BTBD3: variants seen among roughly 807,000 people sequenced by gnomAD.
BTBD3 encodes BTB domain containing 3.
A neutral mutation model predicts 41.6 loss-of-function variants in BTBD3; 14 were observed. The ratio of observed to expected loss-of-function variants is 0.34; its 90% CI spans 0.22 to 0.53. The LOEUF (loss-of-function observed/expected upper bound fraction) is 0.53. Ranked by LOEUF, BTBD3 falls within the 20% of genes least tolerant of loss-of-function variation. The pLI, the probability that BTBD3 is intolerant of heterozygous loss-of-function variation, is 0.95. For synonymous variants in BTBD3, 249 were observed against 233.7 expected (o/e 1.07, Z -0.60); for missense variants, 426 against 654.7 (o/e 0.65, Z 3.81).
chr20:11,894,141 C>T (rs2056772480), intron 1 of BTBD3, among the ~76,000 whole-genome samples: 1 of 152,196 alleles, frequency 6.6e-6, no homozygotes, highest in Non-Finnish European at 1.5e-5. Context: ...GGTGCCTGCA[C>T]CATAGAGTTT....
intron 3 of BTBD3, among the ~76,000 whole-genome samples, chr20:11,921,157 G>T (rs1244636637): frequency 6.6e-6 from 1 of 152,168 alleles, no homozygotes; most frequent in Non-Finnish European, 1.5e-5. Flanking sequence ...CACTAGTTCA[G>T]CATTTTGTCT....
In BTBD3 at chr20:11,919,713, C is replaced by T. The variant is rs772744537; in HGVS notation, c.418-5C>T. 3.3e-5 allele frequency: 53 copies of T among 1,612,030 alleles called. No individual in the cohort carries two copies. The highest frequency in any genetic ancestry group is 8.3e-5 in the Admixed American group (5 of 59,988). On this transcript the variant is annotated splice_polypyrimidine_tract_variant and splice_region_variant and intron_variant, in intron 2 of 3. Coordinates refer to ENST00000378226, the MANE Select transcript of BTBD3 (RefSeq NM_014962.4). The stretch of plus-strand genomic sequence containing the variant: ...GTATGAAATAAGATTTCCCTTTCTA[C>T]ACAGTATGTTTTAGCTGTTGGGAGC...
intron 1 of BTBD3, among the ~76,000 whole-genome samples, chr20:11,908,326 T>G (rs1837219156): frequency 6.9e-6 from 1 of 145,686 alleles, no homozygotes; most frequent in Admixed American, 6.9e-5. Flanking sequence ...CTGTGGTTTT[T>G]TTTTTTTTTT....
intron 1 of BTBD3, among the ~76,000 whole-genome samples, chr20:11,894,607 AAAG>A (rs1359140375): frequency 1.3e-5 from 2 of 151,898 alleles, no homozygotes; most frequent in African/African-American, 4.8e-5. Context: ...CGTTTTATCT[AAAG>A]AAGATTGAGT....
rs777556357 is a variant in BTBD3 at position 11,923,218 on chromosome 20, G to T, written c.1121G>T (p.Arg374Leu). ...SKARKGLVPQ[R>L]CHRFQSCAYR... Reference sequence around the variant, plus strand: ...GCCCGTAAGGGCCTTGTCCCCCAGCGCTGTCACCGTTTCCAGTCGTGTGCC... The same window carrying T: ...GCCCGTAAGGGCCTTGTCCCCCAGCTCTGTCACCGTTTCCAGTCGTGTGCC... Residue 374 changes from arginine (R) to leucine (L), a missense_variant, in exon 4 of 4, where the codon CGC becomes CTC. Arg to Leu is a moderately radical substitution (Grantham distance 102). Transcript: ENST00000378226. The surrounding 1 kb of genome is among the most constrained non-coding windows in gnomAD (Gnocchi z 5.3). 39 of 1,614,102 alleles carry T rather than the reference G, an allele frequency of 2.4e-5. 1 individual carries two copies. In the South Asian group the frequency reaches 4.0e-4, roughly 16 times the overall value.
At chr20:11,892,022 G>A (rs1465753822) in intron 1 of BTBD3, among the ~76,000 whole-genome samples, 3 of 152,118 alleles carry the variant, frequency 2.0e-5, no homozygotes, top group Non-Finnish European at 4.4e-5. Flanking sequence ...GGAAACACTG[G>A]TTTAATATAA....
At position 11,917,995 on chromosome 20, in the gene BTBD3, C is replaced by T; in HGVS notation, c.-281C>T. On this transcript the variant is annotated 5_prime_UTR_variant, in exon 1 of 4. Coordinates refer to ENST00000378226, the MANE Select transcript of BTBD3 (RefSeq NM_014962.4). ...TACAGCTCTGTGCCTGTCATCTTTG[C>T]AGTGTAGCATTTTCAGGTGATCTAG... is the stretch of plus-strand genomic sequence containing the variant. 1 of 1,150,002 alleles carries T rather than the reference C, an allele frequency of 8.7e-7. No homozygotes were observed. The highest frequency in any genetic ancestry group is 1.1e-6 in the Non-Finnish European group (1 of 935,572). 71.2% of individuals were successfully genotyped at this position (1,150,002 alleles called of 1,614,324 possible). A position where few individuals can be genotyped will look rare whatever the true frequency, so the allele number is the denominator to read the frequency against.
At chr20:11,897,794 G>A (rs1232489) in intron 1 of BTBD3, among the ~76,000 whole-genome samples, 111,524 of 152,062 alleles carry the variant, frequency 0.73, 41,298 homozygotes, top group Non-Finnish European at 0.78. Context: ...AAGTCAAATT[G>A]TGCTTAAAAC....
At position 11,918,154 on chromosome 20, in the gene BTBD3, G is replaced by A; in HGVS notation, c.-122G>A. On this transcript the variant is annotated 5_prime_UTR_variant, in exon 1 of 4. Coordinates refer to ENST00000378226, the MANE Select transcript of BTBD3 (RefSeq NM_014962.4). ...TGAAAAGGTCACCTTGCCTGGCTGA[G>A]AAAAGCAGCAAAATATCAGCTTTGT... is the stretch of plus-strand genomic sequence containing the variant. The A allele has an allele frequency of 6.7e-7, 1 of 1,483,544 alleles. No individual in the cohort carries two copies. The highest frequency in any genetic ancestry group is 8.9e-7 in the Non-Finnish European group (1 of 1,128,826). 91.9% of individuals were successfully genotyped at this position (1,483,544 alleles called of 1,614,324 possible).
At chr20:11,905,077 G>A (rs1163774214) in intron 1 of BTBD3, among the ~76,000 whole-genome samples, 1 of 152,176 alleles carries the variant, frequency 6.6e-6, no homozygotes, top group Non-Finnish European at 1.5e-5. Context: ...AGTCTTTTGA[G>A]TATTGGGAAG....
chr20:11,912,843 T>C lies in BTBD3; in HGVS notation c.-125-5491T>C, dbSNP rs181465663. ...GTCACTTGTTGTTAGCTCTTGCTTT[T>C]TTAGCTATGCTATGCTTCCAGCGCT... On this transcript the variant is annotated intron_variant, in intron 1 of 4. Transcript: ENST00000254977. 1.1e-4 allele frequency among the ~76,000 whole-genome samples: 17 copies of C among 152,372 alleles called. No homozygotes were observed. The East Asian group carries it at 3.3e-3, about 29-fold the overall frequency.
Position 11,908,212 on chromosome 20 carries a change from A to G in BTBD3, c.-125-10122A>G, listed in dbSNP as rs6040982. On this transcript the variant is annotated intron_variant, in intron 1 of 4. Coordinates refer to the BTBD3 transcript ENST00000254977. ...CCTGACTCAGATGTAAATTGTGATCACCATTTTCAGAGATTGTCCTTCCTT... is the reference window on the plus strand; with the variant it reads ...CCTGACTCAGATGTAAATTGTGATCGCCATTTTCAGAGATTGTCCTTCCTT... Among the ~76,000 whole-genome samples the G allele has an allele frequency of 4.6e-5, 7 of 151,678 alleles. No individual in the cohort carries two copies. In the East Asian group the frequency reaches 5.8e-4, roughly 13 times the overall value.
chr20:11,923,862 T>TA lies in BTBD3; in HGVS notation c.*200dup. 1.7e-6 allele frequency: 1 copy of TA among 573,544 alleles called. No individual in the cohort carries two copies. The highest frequency in any genetic ancestry group is 3.0e-6 in the Non-Finnish European group (1 of 331,498). 35.5% of individuals were successfully genotyped at this position (573,544 alleles called of 1,614,324 possible). ...AGCATTCCGCTTTTAACTATCTGCT[T>TA]AAAAGAGCTAACGTTCTTATTAAGG... On this transcript the variant is annotated 3_prime_UTR_variant, in exon 4 of 4. Coordinates refer to ENST00000378226, the MANE Select transcript of BTBD3 (RefSeq NM_014962.4). The surrounding 1 kb of genome is among the most constrained non-coding windows in gnomAD (Gnocchi z 5.3).
chr20:11,898,288 T>C (rs1401925796), intron 1 of BTBD3, among the ~76,000 whole-genome samples: 1 of 152,188 alleles, frequency 6.6e-6, no homozygotes, highest in Non-Finnish European at 1.5e-5. Flanking sequence ...TTGCTAATCC[T>C]TGAACGTGGC....
intron 2 of BTBD3, 183 bp downstream of exon 2, chr20:11,919,359 C>T: frequency 7.1e-7 from 1 of 1,417,134 alleles, no homozygotes; most frequent in Non-Finnish European, 9.2e-7. Context: ...TTGTTTCCTT[C>T]TATACTGCTT....
In BTBD3 at chr20:11,923,696, C is replaced by T; in HGVS notation, c.*30C>T. 1 of 1,559,198 alleles carries T rather than the reference C, an allele frequency of 6.4e-7. No individual in the cohort carries two copies. Among genetic ancestry groups the T allele is most frequent in the Non-Finnish European group, 8.7e-7 (1 of 1,151,176 alleles). On this transcript the variant is annotated 3_prime_UTR_variant, in exon 4 of 4. Coordinates refer to ENST00000378226, the MANE Select transcript of BTBD3 (RefSeq NM_014962.4). The surrounding 1 kb of genome is among the most constrained non-coding windows in gnomAD (Gnocchi z 5.3). ...TCACTTCCTGAAGCAGCTTGAGCTC[C>T]AAAGTGCACATCTGGTTCCAACTTG... is the stretch of plus-strand genomic sequence containing the variant.
In BTBD3 at chr20:11,918,135, G is replaced by A; in HGVS notation, c.-141G>A. ...CAGTTTCTATTCAACATAGTGAAAA[G>A]GTCACCTTGCCTGGCTGAGAAAAGC... On this transcript the variant is annotated 5_prime_UTR_variant, in exon 1 of 4. Coordinates refer to ENST00000378226, the MANE Select transcript of BTBD3 (RefSeq NM_014962.4). 2 of 1,479,834 alleles carry A rather than the reference G, an allele frequency of 1.4e-6. No individual in the cohort carries two copies. The highest frequency in any genetic ancestry group is 1.8e-6 in the Non-Finnish European group (2 of 1,127,108). The allele number at this position is 1,479,834 out of a possible 1,614,324, so 91.7% of individuals were successfully genotyped here.
At chr20:11,899,892 AT>A (rs2056813544) in intron 1 of BTBD3, among the ~76,000 whole-genome samples, 1 of 152,266 alleles carries the variant, frequency 6.6e-6, no homozygotes, top group Non-Finnish European at 1.5e-5. Flanking sequence ...TACACAATAA[AT>A]AAAAACCATG....
At chr20:11,900,725 T>G (rs944748729) in intron 1 of BTBD3, among the ~76,000 whole-genome samples, 21 of 109,182 alleles carry the variant, frequency 1.9e-4, no homozygotes, top group Non-Finnish European at 3.4e-4. Flanking sequence ...TTTTTTTTTT[T>G]GAGACAGAGT....
Sources: gnomAD v4.1 joint callset for allele counts (sites outside exome capture counted in the v4.1 genomes callset) on GRCh38, gnomAD v4.1.1 for gene constraint, Gnocchi (gnomAD v3.1) non-coding constraint, MANE v1.5 for transcripts, NCBI Gene and HGNC (gene_info 2026-07-23, HGNC 2026-07-21) for gene names.